The following RGS6 variants were observed in gnomAD, a reference collection of about 807,000 sequenced individuals.
RGS6 encodes regulator of G protein signaling 6, also known as regulator of G-protein signaling 6.
RGS6 carries 30 observed loss-of-function variants against 78.5 expected under a neutral mutation model. The ratio of observed to expected loss-of-function variants is 0.38; its 90% confidence interval spans 0.29 to 0.52. The LOEUF (loss-of-function observed/expected upper bound fraction) is 0.52. Among genes scored for constraint, RGS6 ranks in the 20% least tolerant of loss-of-function variants. The pLI is 0.85. For missense variants in RGS6, 495 were observed against 609.7 expected, an observed-to-expected ratio of 0.81 and a Z score of 1.98; for synonymous variants, 206 against 206.0, an observed-to-expected ratio of 1.00 and a Z score of 0.00.
chr14:72,079,874 T>G (rs1247877153), intron 2 of RGS6, among the ~76,000 whole-genome samples: 1 of 152,248 alleles, frequency 6.6e-6, no homozygotes, highest in Non-Finnish European at 1.5e-5. Flanking sequence ...TATCCTTCTT[T>G]TTTAAGGCTG....
the RGS6 span, among the ~76,000 whole-genome samples, chr14:71,884,825 G>A: frequency 1.3e-5 from 2 of 152,176 alleles, no homozygotes; most frequent in Non-Finnish European, 2.9e-5. Flanking sequence ...CCTGGGGCCA[G>A]AACTAGGCAC....
intron 17 of RGS6, 68 bp downstream of exon 17, chr14:72,540,162 T>C (rs1338905850): frequency 6.5e-7 from 1 of 1,530,642 alleles, no homozygotes; most frequent in Non-Finnish European, 8.8e-7. Context: ...TTCTTCTTTT[T>C]TTTTTTTTTC....
chr14:72,413,164 G>C (rs952675368), intron 3 of RGS6, among the ~76,000 whole-genome samples: 16 of 152,126 alleles, frequency 1.1e-4, no homozygotes, highest in Non-Finnish European at 2.4e-4. Flanking sequence ...TGTTGACAGT[G>C]GGGTGTTAAA....
chr14:72,537,633 T>A, intron 16 of RGS6: 2 of 679,410 alleles, frequency 2.9e-6, no homozygotes, highest in Non-Finnish European at 5.3e-6. Flanking sequence ...ATGGCTCTAA[T>A]GCCCATTTTT....
chr14:72,590,332 T>G, the RGS6 span, among the ~76,000 whole-genome samples: 1 of 152,246 alleles, frequency 6.6e-6, no homozygotes, highest in African/African-American at 2.4e-5. Flanking sequence ...AATGCTTGAA[T>G]ATGAATAGGC....
At chr14:72,532,221 A>G (rs1296253750) in intron 15 of RGS6, among the ~76,000 whole-genome samples, 5 of 152,200 alleles carry the variant, frequency 3.3e-5, no homozygotes, top group Admixed American at 1.3e-4. Flanking sequence ...CTTTTTTAGT[A>G]TGATTATATG....
At chr14:72,159,596 T>C (rs753289449) in intron 2 of RGS6, among the ~76,000 whole-genome samples, 11 of 152,252 alleles carry the variant, frequency 7.2e-5, no homozygotes, top group Non-Finnish European at 1.6e-4. Context: ...TGGTGGAATT[T>C]AGTTGCCTCA....
At chr14:72,006,466 C>G (rs1378002029) in intron 2 of RGS6, among the ~76,000 whole-genome samples, 1 of 152,154 alleles carries the variant, frequency 6.6e-6, no homozygotes, top group Non-Finnish European at 1.5e-5. Flanking sequence ...GGCCCACTAA[C>G]CTATGGAAAG....
chr14:72,542,194 G>A (rs1231482375), intron 17 of RGS6, among the ~76,000 whole-genome samples: 1 of 152,178 alleles, frequency 6.6e-6, no homozygotes, highest in Non-Finnish European at 1.5e-5. Context: ...TTCCAGTGGT[G>A]GAGATGGATT....
intron 2 of RGS6, among the ~76,000 whole-genome samples, chr14:72,226,929 C>T (rs7147823): frequency 1.3e-5 from 2 of 152,092 alleles, no homozygotes; most frequent in African/African-American, 2.4e-5. Flanking sequence ...TCAAGTAATC[C>T]GCCCACCTTG....
chr14:71,880,211 G>T, the RGS6 span, among the ~76,000 whole-genome samples: 1 of 152,216 alleles, frequency 6.6e-6, no homozygotes, highest in Non-Finnish European at 1.5e-5. Context: ...GAGGTGACTT[G>T]GGTGCTGTTA....
chr14:72,186,001 C>T (rs2097239313), intron 2 of RGS6, among the ~76,000 whole-genome samples: 1 of 152,238 alleles, frequency 6.6e-6, no homozygotes, highest in African/African-American at 2.4e-5. Flanking sequence ...CATTGATCCT[C>T]AAAATAATCC....
intron 2 of RGS6, among the ~76,000 whole-genome samples, chr14:72,026,398 C>T (rs375700419): frequency 6.6e-6 from 1 of 151,820 alleles, no homozygotes; most frequent in African/African-American, 2.4e-5. Context: ...CAGACAGAGA[C>T]TCCATCTCAA....
intron 1 of RGS6, among the ~76,000 whole-genome samples, chr14:71,940,420 A>G (rs1187660013): frequency 6.6e-6 from 1 of 152,292 alleles, no homozygotes; most frequent in East Asian, 1.9e-4. Context: ...CTCTGTTTTT[A>G]TAATTCAAAT....
At chr14:72,406,141 CT>C (rs1445619548) in intron 3 of RGS6, among the ~76,000 whole-genome samples, 1 of 152,180 alleles carries the variant, frequency 6.6e-6, no homozygotes, top group African/African-American at 2.4e-5. Context: ...AATCCCAGCA[CT>C]TTGGGAGGCC....
At chr14:72,488,299 C>T (rs1598252347) in intron 12 of RGS6, among the ~76,000 whole-genome samples, 1 of 152,278 alleles carries the variant, frequency 6.6e-6, no homozygotes, top group East Asian at 1.9e-4. Context: ...ACGCCTCTTG[C>T]CTAGACCTTT....
chr14:72,391,741 C>T (rs1023005485), intron 3 of RGS6, among the ~76,000 whole-genome samples: 4 of 152,206 alleles, frequency 2.6e-5, no homozygotes, highest in African/African-American at 9.6e-5. Flanking sequence ...AATACTATCT[C>T]TCCCCTAGGC....
At chr14:72,410,781 A>C (rs1246893760) in intron 3 of RGS6, among the ~76,000 whole-genome samples, 1 of 152,182 alleles carries the variant, frequency 6.6e-6, no homozygotes, top group Non-Finnish European at 1.5e-5. Flanking sequence ...TCAGCTTTCT[A>C]CATATGGCTA....
intron 2 of RGS6, among the ~76,000 whole-genome samples, chr14:72,050,914 G>C (rs2093195771): frequency 6.6e-6 from 1 of 151,988 alleles, no homozygotes; most frequent in Non-Finnish European, 1.5e-5. Context: ...TGAGTATACT[G>C]AGGGGCGACT....
Sources: gnomAD v4.1 joint callset for allele counts (sites outside exome capture counted in the v4.1 genomes callset) on GRCh38, gnomAD v4.1.1 for gene constraint, MANE v1.5 for transcripts, NCBI Gene and HGNC (gene_info 2026-07-23, HGNC 2026-07-21) for gene names.